The following QKI variants were observed in gnomAD, a reference collection of about 807,000 sequenced individuals.
QKI encodes KH domain-containing RNA-binding protein QKI.
Under a neutral mutation model 39.0 loss-of-function variants are expected in QKI, and 10 were observed. That is an observed-to-expected ratio of 0.26 (90% CI 0.16 to 0.43). The LOEUF is 0.43. Ranked by LOEUF, QKI falls within the 20% of genes least tolerant of loss-of-function variation. The pLI, the probability that QKI is intolerant of heterozygous loss-of-function variation, is 1.00. For synonymous variants in QKI, 204 were observed against 155.4 expected (o/e 1.31, Z -2.33); for missense variants, 218 against 428.0 (o/e 0.51, Z 4.33).
At chr6:163,556,522 A>C (rs955746561) in intron 4 of QKI, among the ~76,000 whole-genome samples, 38 of 150,266 alleles carry the variant, frequency 2.5e-4, no homozygotes, top group South Asian at 1.7e-3. Flanking sequence ...AAAAAAAAAA[A>C]AACAACAAAC....
chr6:163,547,770 T>G lies in QKI; in HGVS notation c.546+12645T>G, dbSNP rs183637351. Among the ~76,000 whole-genome samples the G allele has an allele frequency of 3.0e-3, 464 of 152,182 alleles. 6 individuals are homozygous for G. Among genetic ancestry groups the G allele is most frequent in the Admixed American group, 0.025 (381 of 15,272 alleles). On this transcript the variant is annotated intron_variant, in intron 4 of 7. Coordinates refer to ENST00000361752, the MANE Select transcript of QKI (RefSeq NM_006775.3). ...TGATTCTACCTCCAAATAGCACATATCTTTTCTCCATCTCCACAGATGGAG... is the reference window on the plus strand; with the variant it reads ...TGATTCTACCTCCAAATAGCACATAGCTTTTCTCCATCTCCACAGATGGAG...
intron 3 of QKI, among the ~76,000 whole-genome samples, chr6:163,510,222 A>ATAATAC (rs1779359519): frequency 3.8e-5 from 1 of 26,634 alleles, no homozygotes; most frequent in African/African-American, 1.1e-4. Context: ...TCTCAAAATA[A>ATAATAC]TAATAATAAT....
At chr6:163,546,547 A>G (rs1025082187) in intron 4 of QKI, among the ~76,000 whole-genome samples, 1 of 151,998 alleles carries the variant, frequency 6.6e-6, no homozygotes, top group East Asian at 1.9e-4. Flanking sequence ...ATGATTCAGA[A>G]ATCACATGTC....
In QKI at chr6:163,434,140, A is replaced by G. The variant is rs117508787; in HGVS notation, c.142+18805A>G. On this transcript the variant is annotated intron_variant, in intron 1 of 7. Coordinates refer to ENST00000361752, the MANE Select transcript of QKI (RefSeq NM_006775.3). Reference sequence around the variant, plus strand: ...TACAAAGATGGATAAGACATAGTCTAGTGCTCAAGGAGCCACACAATGGCA... The same window carrying G: ...TACAAAGATGGATAAGACATAGTCTGGTGCTCAAGGAGCCACACAATGGCA... 5.8e-4 allele frequency among the ~76,000 whole-genome samples: 89 copies of G among 152,218 alleles called. 3 individuals are homozygous for G. In the East Asian group the frequency reaches 0.017, roughly 29 times the overall value.
chr6:163,545,144 T>C (rs1781789802), intron 4 of QKI, among the ~76,000 whole-genome samples: 1 of 152,078 alleles, frequency 6.6e-6, no homozygotes, highest in Non-Finnish European at 1.5e-5. Flanking sequence ...CTCTCATGGG[T>C]ATGTGCTGCT....
intron 4 of QKI, among the ~76,000 whole-genome samples, chr6:163,554,445 A>G (rs1273746910): frequency 6.6e-6 from 1 of 152,222 alleles, no homozygotes; most frequent in Non-Finnish European, 1.5e-5. Flanking sequence ...GAACTTAGTA[A>G]CTGCCACATC....
intron 1 of QKI, among the ~76,000 whole-genome samples, chr6:163,431,807 A>C (rs12202140): frequency 5.0e-5 from 7 of 140,712 alleles, no homozygotes; most frequent in South Asian, 2.3e-4. Context: ...TTGTAAAAAA[A>C]AAAAAACAAA....
chr6:163,551,130 C>T (rs187126909), intron 4 of QKI, among the ~76,000 whole-genome samples: 8 of 152,200 alleles, frequency 5.3e-5, no homozygotes, highest in Non-Finnish European at 8.8e-5. Context: ...TATAGGAAAA[C>T]ACAAAATCAG....
chr6:163,567,580 A>G (rs1409264784), intron 7 of QKI: 19 of 983,440 alleles, frequency 1.9e-5, no homozygotes, highest in Non-Finnish European at 2.2e-5. Flanking sequence ...CTCCTTTACA[A>G]CTTTTATAAT....
chr6:163,504,555 G>A (rs947862322), intron 3 of QKI, among the ~76,000 whole-genome samples: 1 of 152,054 alleles, frequency 6.6e-6, no homozygotes, highest in East Asian at 1.9e-4. Context: ...TTGTTTTGTA[G>A]TTCTCCTTAC....
At chr6:163,534,929 T>G in intron 3 of QKI, 53 bp from the exon 4 acceptor site, 2 of 1,376,030 alleles carry the variant, frequency 1.5e-6, no homozygotes. Flanking sequence ...ATGAAAGATG[T>G]GCTCTCTCTT....
intron 5 of QKI, among the ~76,000 whole-genome samples, chr6:163,562,752 A>G (rs547118752): frequency 1.3e-5 from 2 of 152,354 alleles, no homozygotes; most frequent in East Asian, 3.9e-4. Flanking sequence ...TTTAAAACAC[A>G]TAGAATTTTT....
chr6:163,499,204 ACT>A (rs951173440), intron 3 of QKI, among the ~76,000 whole-genome samples: 16 of 151,606 alleles, frequency 1.1e-4, no homozygotes, highest in African/African-American at 3.9e-4. Context: ...TTGCTGAAAA[ACT>A]CTTGCAGTAT....
At chr6:163,447,717 G>GT (rs1239027009) in intron 1 of QKI, among the ~76,000 whole-genome samples, 10 of 152,258 alleles carry the variant, frequency 6.6e-5, no homozygotes, top group Middle Eastern at 3.4e-3. Flanking sequence ...GTGAAGACCA[G>GT]TTGAGTCATG....
chr6:163,471,446 A>G (rs1263027442), intron 2 of QKI, among the ~76,000 whole-genome samples: 1 of 152,222 alleles, frequency 6.6e-6, no homozygotes, highest in Non-Finnish European at 1.5e-5. Context: ...ATATTTGTAC[A>G]AAGTGAAAAT....
intron 3 of QKI, among the ~76,000 whole-genome samples, chr6:163,481,536 A>C (rs773848478): frequency 6.6e-6 from 1 of 152,202 alleles, no homozygotes; most frequent in African/African-American, 2.4e-5. Flanking sequence ...ACCTTCCCTC[A>C]TGTTCCCCGA....
At chr6:163,418,604 A>G (rs1289804001) in intron 1 of QKI, among the ~76,000 whole-genome samples, 1 of 152,164 alleles carries the variant, frequency 6.6e-6, no homozygotes, top group Non-Finnish European at 1.5e-5. Flanking sequence ...ATCATAAAAT[A>G]TAAAGGACAT....
intron 3 of QKI, among the ~76,000 whole-genome samples, chr6:163,485,757 C>G (rs1313302633): frequency 6.6e-6 from 1 of 152,180 alleles, no homozygotes. Context: ...AATTCCAGTT[C>G]AAGTTCTTTG....
intron 7 of QKI, chr6:163,567,561 T>C: frequency 1.0e-6 from 1 of 983,450 alleles, no homozygotes; most frequent in Non-Finnish European, 1.2e-6. Flanking sequence ...AAAATAAGTC[T>C]TCATTTTTCT....
Sources: allele counts gnomAD v4.1 joint callset (sites outside exome capture counted in the v4.1 genomes callset), GRCh38; gene constraint gnomAD v4.1.1; transcripts MANE v1.5; gene names NCBI Gene and HGNC (gene_info 2026-07-23, HGNC 2026-07-21).